Variants in PARD3B observed in about 807,000 individuals in gnomAD.
PARD3B encodes the protein par-3 family cell polarity regulator beta.
PARD3B carries 103 observed loss-of-function variants against 130.2 expected under a neutral mutation model. That is an observed-to-expected ratio of 0.79 (90% CI 0.67 to 0.93). The LOEUF (loss-of-function observed/expected upper bound fraction) is 0.93, where lower values mean the gene tolerates loss of function less well. Ranked by LOEUF, PARD3B falls within the 40% of genes least tolerant of loss-of-function variation. The pLI, the probability that PARD3B is intolerant of heterozygous loss-of-function variation, is 0.00. For synonymous variants in PARD3B, 583 were observed against 553.2 expected (o/e 1.05, Z -0.76); for missense variants, 1,609 against 1,499.2 (o/e 1.07, Z -1.21).
At chr2:204,757,660 C>T (rs1455305469) in intron 2 of PARD3B, among the ~76,000 whole-genome samples, 1 of 152,112 alleles carries the variant, frequency 6.6e-6, no homozygotes, top group Non-Finnish European at 1.5e-5. Context: ...AGATTGCAAA[C>T]AGCAAATCTC....
chr2:205,246,529 C>T (rs972513040), intron 16 of PARD3B, among the ~76,000 whole-genome samples: 2 of 152,078 alleles, frequency 1.3e-5, no homozygotes, highest in African/African-American at 4.8e-5. Context: ...TGGAGTAATC[C>T]CTTTCCTCTA....
chr2:205,219,231 T>C (rs2038109698), intron 15 of PARD3B, among the ~76,000 whole-genome samples: 1 of 152,196 alleles, frequency 6.6e-6, no homozygotes, highest in South Asian at 2.1e-4. Context: ...ATATTTAATA[T>C]GTATGTGTAA....
At chr2:205,310,810 G>A (rs908349566) in intron 18 of PARD3B, among the ~76,000 whole-genome samples, 7 of 126,318 alleles carry the variant, frequency 5.5e-5, no homozygotes, top group Non-Finnish European at 9.4e-5. Flanking sequence ...TGCAATCTCC[G>A]CCTCCCGGGT....
chr2:205,475,761 C>T (rs1264052650), intron 20 of PARD3B, among the ~76,000 whole-genome samples: 1 of 152,162 alleles, frequency 6.6e-6, no homozygotes, highest in Non-Finnish European at 1.5e-5. Context: ...ACTCCAGAAG[C>T]CTGCTCTTTG....
At chr2:204,787,018 A>AG (rs2042033920) in intron 2 of PARD3B, among the ~76,000 whole-genome samples, 2 of 152,100 alleles carry the variant, frequency 1.3e-5, no homozygotes, top group Non-Finnish European at 2.9e-5. Context: ...AACAACACGT[A>AG]CTTTTTTTGT....
intron 2 of PARD3B, among the ~76,000 whole-genome samples, chr2:204,903,033 G>T (rs1188188935): frequency 6.6e-6 from 1 of 152,146 alleles, no homozygotes; most frequent in Non-Finnish European, 1.5e-5. Flanking sequence ...ACTGTGTTTG[G>T]GTTGTTGAGG....
intron 1 of PARD3B, among the ~76,000 whole-genome samples, chr2:204,641,806 A>G (rs2035087473): frequency 1.3e-5 from 2 of 152,226 alleles, no homozygotes; most frequent in South Asian, 2.1e-4. Flanking sequence ...GATTTTTCCA[A>G]TGCTAGAATT....
intron 2 of PARD3B, among the ~76,000 whole-genome samples, chr2:204,920,630 C>T (rs1026395815): frequency 1.3e-5 from 2 of 152,132 alleles, no homozygotes; most frequent in Non-Finnish European, 2.9e-5. Context: ...ATTTTCTTTT[C>T]TCTTGCTTGT....
intron 18 of PARD3B, among the ~76,000 whole-genome samples, chr2:205,399,716 T>C (rs947395089): frequency 6.6e-6 from 1 of 152,170 alleles, no homozygotes; most frequent in Admixed American, 6.5e-5. Context: ...AAAACATATA[T>C]GGTATTTTTG....
intron 3 of PARD3B, among the ~76,000 whole-genome samples, chr2:204,998,912 G>A (rs908094507): frequency 1.3e-5 from 2 of 152,080 alleles, no homozygotes; most frequent in Non-Finnish European, 2.9e-5. Flanking sequence ...CAAGGTTTCA[G>A]TGTGCTGGAC....
chr2:205,254,296 G>A (rs772974434), intron 16 of PARD3B, among the ~76,000 whole-genome samples: 3 of 151,752 alleles, frequency 2.0e-5, no homozygotes, highest in Non-Finnish European at 4.4e-5. Context: ...ACCTCATATT[G>A]GAAGTACACA....
intron 1 of PARD3B, among the ~76,000 whole-genome samples, chr2:204,583,389 A>C (rs1346101979): frequency 2.8e-5 from 3 of 108,174 alleles, no homozygotes; most frequent in South Asian, 7.5e-4. Flanking sequence ...AAAACCAAAC[A>C]CCGCATATTC....
chr2:205,238,886 G>GTATATATATA (rs372313084), intron 15 of PARD3B, among the ~76,000 whole-genome samples: 6 of 92,138 alleles, frequency 6.5e-5, no homozygotes, highest in South Asian at 3.9e-4. Context: ...ATGTATGTGT[G>GTATATATATA]TATATATATA....
intron 1 of PARD3B, among the ~76,000 whole-genome samples, chr2:204,546,801 C>T (rs578163308): frequency 6.6e-6 from 1 of 152,144 alleles, no homozygotes; most frequent in South Asian, 2.1e-4. Flanking sequence ...ATGAGAAAGA[C>T]GTTCCTAGCT....
At chr2:205,394,896 A>G (rs1231129547) in intron 18 of PARD3B, among the ~76,000 whole-genome samples, 1 of 152,150 alleles carries the variant, frequency 6.6e-6, no homozygotes, top group South Asian at 2.1e-4. Flanking sequence ...TCCATTTGAG[A>G]TCATGAAAAA....
At chr2:205,216,999 C>T (rs1189264617) in intron 15 of PARD3B, among the ~76,000 whole-genome samples, 1 of 149,426 alleles carries the variant, frequency 6.7e-6, no homozygotes, top group Non-Finnish European at 1.5e-5. Context: ...TCTATGTCTT[C>T]AGCAATCACA....
intron 2 of PARD3B, among the ~76,000 whole-genome samples, chr2:204,783,895 CT>C (rs2041922969): frequency 6.6e-6 from 1 of 151,896 alleles, no homozygotes; most frequent in Non-Finnish European, 1.5e-5. Flanking sequence ...TTTCTTTTGG[CT>C]TTTTGGAATA....
rs746492863 is a variant in PARD3B at position 205,185,857 on chromosome 2, G to A, written c.2018G>A (p.Ser673Asn). ...SALGLGLEDYSHSSGVDSAVY... is the reference protein window; with the variant it reads ...SALGLGLEDYNHSSGVDSAVY... ...CTGGGATTGGGCCTCGAAGATTACA[G>A]CCACAGGTATTGATAAAATGATGTA... The change falls in exon 14 of 23, where the codon AGC (serine) becomes AAC (asparagine). Residue 673 changes from serine (S) to asparagine (N), a missense_variant. Physicochemically the swap from Ser to Asn is conservative, Grantham distance 46 (BLOSUM62 1). Coordinates refer to ENST00000406610, the MANE Select transcript of PARD3B (RefSeq NM_001302769.2). The A allele has an allele frequency of 2.0e-5, 33 of 1,611,042 alleles. No homozygotes were observed. The highest frequency in any genetic ancestry group is 2.6e-5 in the Non-Finnish European group (31 of 1,177,308).
chr2:205,529,227 A>G (rs2051473419), intron 21 of PARD3B, among the ~76,000 whole-genome samples: 1 of 152,226 alleles, frequency 6.6e-6, no homozygotes, highest in Non-Finnish European at 1.5e-5. Context: ...GCATTGTGTG[A>G]GAAAATGGTT....
Sources: allele counts gnomAD v4.1 joint callset (sites outside exome capture counted in the v4.1 genomes callset), GRCh38; gene constraint gnomAD v4.1.1; transcripts MANE v1.5; gene names NCBI Gene and HGNC (gene_info 2026-07-23, HGNC 2026-07-21).